Variants in SLC20A1 observed in about 807,000 individuals in gnomAD.
SLC20A1 encodes sodium-dependent phosphate transporter 1.
In SLC20A1, 28 loss-of-function variants were observed where a neutral mutation model predicts 62.7. The observed-to-expected ratio is 0.45, with a 90% CI of 0.33 to 0.61. The LOEUF (loss-of-function observed/expected upper bound fraction) is 0.61, where lower values mean the gene tolerates loss of function less well. SLC20A1 is among the 20% of genes least tolerant of loss of function. The pLI, the probability that SLC20A1 is intolerant of heterozygous loss-of-function variation, is 0.02. For missense variants in SLC20A1, 673 were observed against 838.6 expected (o/e 0.80, Z 2.44); for synonymous variants, 305 against 302.9 (o/e 1.01, Z -0.07).
Position 112,646,888 on chromosome 2 carries a change from C to A in SLC20A1, c.60C>A (p.Asp20Glu), listed in dbSNP as rs202070891. ...CCGCCGCTTCTGGTCCTTTGGTGGACTACCTATGGATGCTCATCCTGGGCT... is the reference window on the plus strand; with the variant it reads ...CCGCCGCTTCTGGTCCTTTGGTGGAATACCTATGGATGCTCATCCTGGGCT... ...AATAASGPLV[D>E]YLWMLILGFI... Residue 20 changes from aspartate to glutamate, a missense_variant, in exon 2 of 11, where the codon GAC becomes GAA. Coordinates refer to ENST00000272542, the MANE Select transcript of SLC20A1 (RefSeq NM_005415.5). 3 of 1,613,998 alleles carry A rather than the reference C, an allele frequency of 1.9e-6. No individual in the cohort carries two copies. In the African/African-American group the frequency reaches 4.0e-5, roughly 22 times the overall value.
At position 112,655,330 on chromosome 2, in the gene SLC20A1, A is replaced by G. The variant is rs1194916383; in HGVS notation, c.659-1792A>G. On this transcript the variant is annotated intron_variant, in intron 5 of 10. Transcript: ENST00000272542. ...ATGATAGAATTTCCAGTTTATAAGTACAAACAGTCCCTGACTTCATGGTTC... is the reference window on the plus strand; with the variant it reads ...ATGATAGAATTTCCAGTTTATAAGTGCAAACAGTCCCTGACTTCATGGTTC... Among the ~76,000 whole-genome samples the G allele has an allele frequency of 3.9e-5, 6 of 152,074 alleles. No individual in the cohort carries two copies. The East Asian group carries it at 1.2e-3, about 29-fold the overall frequency.
At chr2:112,657,022 G>C in intron 5 of SLC20A1, 100 bp from the exon 6 acceptor site, 1 of 1,381,958 alleles carries the variant, frequency 7.2e-7, no homozygotes, top group Non-Finnish European at 1.0e-6. Flanking sequence ...GGGGTGATGG[G>C]CTGGTATGGG....
Position 112,659,724 on chromosome 2 carries a change from C to T in SLC20A1, c.1569C>T (p.Ala523=). Residue 523 remains alanine (A), a synonymous_variant, in exon 8 of 11, where the codon GCC becomes GCT. Transcript: ENST00000272542. ...TCCAGTTCCTGCAGATCCTTACAGC[C>T]TGCTTTGGGTCATTCGCCCATGGTG... ...LLFQFLQILT[A]CFGSFAHGGN... is the part of the protein sequence containing the mutation. 6.2e-7 allele frequency: 1 copy of T among 1,614,098 alleles called. No homozygotes were observed. The highest frequency in any genetic ancestry group is 8.5e-7 in the Non-Finnish European group (1 of 1,179,948).
chr2:112,662,198 G>A (rs1191710071), intron 10 of SLC20A1, among the ~76,000 whole-genome samples: 1 of 152,156 alleles, frequency 6.6e-6, no homozygotes, highest in Non-Finnish European at 1.5e-5. Context: ...TTTGCTACCC[G>A]GATGTGTCTC....
Position 112,662,574 on chromosome 2 carries a change from CGTCTCAAAAAAT to C in SLC20A1, c.1879-289_1879-278del, listed in dbSNP as rs200833885. Reference sequence around the variant, plus strand: ...CAGCCTGGGCGACAGTGCGAGACTCCGTCTCAAAAAATAAATAAATAAAAGCAGTATATATTC... The same window carrying C: ...CAGCCTGGGCGACAGTGCGAGACTCCAAATAAATAAAAGCAGTATATATTC... On this transcript the variant is annotated intron_variant, in intron 10 of 10. Transcript: ENST00000272542. 3.5e-4 allele frequency among the ~76,000 whole-genome samples: 53 copies of C among 152,132 alleles called. No individual in the cohort carries two copies. The East Asian group carries it at 0.01, about 29-fold the overall frequency.
rs1365003831 is a variant in SLC20A1, at chr2:112,658,942, C to T, written c.896C>T (p.Ser299Phe). 1 of 1,614,162 alleles carries T rather than the reference C, an allele frequency of 6.2e-7. No homozygotes were observed. Among genetic ancestry groups the T allele is most frequent in the East Asian group, 2.2e-5 (1 of 44,892 alleles). Residue 299 changes from serine (S) to phenylalanine (F), a missense_variant, in exon 7 of 11, where the codon TCT becomes TTT. Coordinates refer to ENST00000272542, the MANE Select transcript of SLC20A1 (RefSeq NM_005415.5). The part of the protein sequence containing the change: ...VGDIENKHPV[S>F]EVGPATVPLQ... The stretch of plus-strand genomic sequence containing the variant: ...GATATTGAAAACAAGCATCCTGTTT[C>T]TGAGGTAGGGCCTGCCACTGTGCCC...
In SLC20A1 at chr2:112,645,951, G is replaced by A. The variant is rs2104638283; in HGVS notation, c.-445G>A. On this transcript the variant is annotated 5_prime_UTR_variant, in exon 1 of 11. Coordinates refer to ENST00000272542, the MANE Select transcript of SLC20A1 (RefSeq NM_005415.5). Reference sequence around the variant, plus strand: ...GGGGTGCTCCGCTGGAGTGATGGCTGCCGGCGCTCTCTGCGTGGTTCTTCT... The same window carrying A: ...GGGGTGCTCCGCTGGAGTGATGGCTACCGGCGCTCTCTGCGTGGTTCTTCT... The A allele has an allele frequency of 1.3e-5, 2 of 152,366 alleles. No homozygotes were observed. The highest frequency in any genetic ancestry group is 1.9e-4 in the East Asian group (1 of 5,150). The allele number at this position is 152,366 out of a possible 1,614,324, so 9.4% of individuals were successfully genotyped here. A position where few individuals can be genotyped will look rare whatever the true frequency, so the allele number is the denominator to read the frequency against.
chr2:112,652,418 C>CT, intron 4 of SLC20A1: 1 of 456,594 alleles, frequency 2.2e-6, no homozygotes, highest in Non-Finnish European at 3.9e-6. Flanking sequence ...TTTTGGGTAC[C>CT]TTAGAATGTG....
At chr2:112,649,935 G>A (rs1483200731) in intron 4 of SLC20A1, among the ~76,000 whole-genome samples, 1 of 152,170 alleles carries the variant, frequency 6.6e-6, no homozygotes, top group East Asian at 1.9e-4. Flanking sequence ...TCCAGGTGAA[G>A]TTTTACTTGT....
chr2:112,657,194 T>C lies in SLC20A1; in HGVS notation c.731T>C (p.Leu244Pro). ...ISVGCAVFCA[L>P]IVWFFVCPRM... is the part of the protein sequence containing the mutation. ...GTGGGATGTGCAGTTTTCTGTGCCC[T>C]TATCGTCTGGTTCTTTGTATGTCCC... is the stretch of plus-strand genomic sequence containing the variant. The change falls in exon 6 of 11, where the codon CTT becomes CCT. Residue 244 changes from leucine to proline, a missense_variant. By Grantham distance (98) the Leu-to-Pro change is moderately conservative (BLOSUM62 -3). Transcript: ENST00000272542. 6.2e-7 allele frequency: 1 copy of C among 1,614,020 alleles called. No homozygotes were observed. The highest frequency in any genetic ancestry group is 8.5e-7 in the Non-Finnish European group (1 of 1,179,964).
chr2:112,656,158 CACTAAACTTTGTGTGTGAGAAAG>C (rs1686578236), intron 5 of SLC20A1, among the ~76,000 whole-genome samples: 1 of 149,842 alleles, frequency 6.7e-6, no homozygotes, highest in Non-Finnish European at 1.5e-5. Context: ...GTGAAATTAC[CACTAAACTTTGTGTGTGAGAAAG>C]ACAAAACTTT....
chr2:112,655,889 C>T (rs530930240), intron 5 of SLC20A1, among the ~76,000 whole-genome samples: 2 of 151,760 alleles, frequency 1.3e-5, no homozygotes, highest in African/African-American at 2.4e-5. Flanking sequence ...TCAGTGGAGA[C>T]GGGGTTTCAC....
intron 1 of SLC20A1, among the ~76,000 whole-genome samples, chr2:112,646,344 GGC>G (rs1686273587): frequency 6.6e-6 from 1 of 151,798 alleles, no homozygotes; most frequent in African/African-American, 2.4e-5. Flanking sequence ...TCGCGCGGAG[GGC>G]GCGCGCGGGC....
chr2:112,654,991 CAG>C (rs10544873), intron 5 of SLC20A1, among the ~76,000 whole-genome samples: 57,770 of 123,022 alleles, frequency 0.47, 14,483 homozygotes, highest in Middle Eastern at 0.59. Flanking sequence ...TTTTTTGAGA[CAG>C]AGTCTCGCCC....
At chr2:112,649,212 A>C (rs932370390) in intron 4 of SLC20A1, among the ~76,000 whole-genome samples, 69 of 152,230 alleles carry the variant, frequency 4.5e-4, no homozygotes, top group Non-Finnish European at 2.8e-4. Flanking sequence ...TTGAGGGCTG[A>C]AGTTAGATAC....
chr2:112,662,606 A>T (rs56138928), intron 10 of SLC20A1, among the ~76,000 whole-genome samples: 68 of 152,332 alleles, frequency 4.5e-4, no homozygotes, highest in Non-Finnish European at 8.2e-4. Flanking sequence ...AAAGCAGTAT[A>T]TATTCATTAA....
intron 6 of SLC20A1, chr2:112,658,572 G>T: frequency 2.4e-6 from 1 of 415,802 alleles, no homozygotes; most frequent in Non-Finnish European, 4.3e-6. Flanking sequence ...TGCTACAGAA[G>T]CCCGTAAAAC....
rs563700714 is a variant in SLC20A1, at chr2:112,653,885, C to T, written c.658+1087C>T. ...TTGGCTCACCACAACCTCTACCTCC[C>T]GGGTTCAAGCAATTCTCCTGCTTCA... On this transcript the variant is annotated intron_variant, in intron 5 of 10. Coordinates refer to ENST00000272542, the MANE Select transcript of SLC20A1 (RefSeq NM_005415.5). Among the ~76,000 whole-genome samples, 71 of 152,214 alleles carry T rather than the reference C, an allele frequency of 4.7e-4. 2 individuals carry two copies. In the South Asian group the frequency reaches 6.4e-3, roughly 14 times the overall value.
chr2:112,649,223 G>A (rs941009963), intron 4 of SLC20A1, among the ~76,000 whole-genome samples: 4 of 152,182 alleles, frequency 2.6e-5, no homozygotes, highest in Non-Finnish European at 4.4e-5. Context: ...AGTTAGATAC[G>A]GTAACTGATT....
Sources: gnomAD v4.1 joint callset for allele counts (sites outside exome capture counted in the v4.1 genomes callset) on GRCh38, gnomAD v4.1.1 for gene constraint, MANE v1.5 for transcripts, NCBI Gene and HGNC (gene_info 2026-07-23, HGNC 2026-07-21) for gene names.